Variants in DSCAM observed in about 807,000 individuals in gnomAD.
The protein encoded by DSCAM is cell adhesion molecule DSCAM.
DSCAM carries 47 observed loss-of-function variants against 217.7 expected under a neutral mutation model. That is an observed-to-expected ratio of 0.22 (90% confidence interval 0.17 to 0.28). The LOEUF is 0.28. DSCAM is among the 10% of genes least tolerant of loss of function. The pLI, the probability that DSCAM is intolerant of heterozygous loss-of-function variation, is 1.00. For missense variants in DSCAM, 2,080 were observed against 2,618.3 expected, an observed-to-expected ratio of 0.79 and a Z score of 4.49; for synonymous variants, 1,056 against 1,015.3, an observed-to-expected ratio of 1.04 and a Z score of -0.76.
chr21:40,299,829 T>C (rs1336082826), intron 9 of DSCAM, among the ~76,000 whole-genome samples: 2 of 152,204 alleles, frequency 1.3e-5, no homozygotes, highest in South Asian at 4.1e-4. Flanking sequence ...AAAGTGCAGA[T>C]ATTTTTTAAA....
chr21:40,655,311 G>A (rs192445444), intron 3 of DSCAM, among the ~76,000 whole-genome samples: 2 of 152,318 alleles, frequency 1.3e-5, no homozygotes, highest in Admixed American at 1.3e-4. Flanking sequence ...AGGCTGGGAA[G>A]TCCAACATCA....
chr21:40,208,411 G>A (rs940916946), intron 11 of DSCAM, among the ~76,000 whole-genome samples: 13 of 152,174 alleles, frequency 8.5e-5, no homozygotes, highest in Admixed American at 4.6e-4. Context: ...CTGAGATTGC[G>A]CCATTGCACT....
chr21:40,702,552 T>C (rs779287111), intron 2 of DSCAM, among the ~76,000 whole-genome samples: 2 of 152,222 alleles, frequency 1.3e-5, no homozygotes, highest in Non-Finnish European at 2.9e-5. Flanking sequence ...AATGTTTCTT[T>C]TAAGCAGTGT....
chr21:40,234,197 GGTGC>G (rs1569014555), intron 11 of DSCAM, among the ~76,000 whole-genome samples: 1 of 152,200 alleles, frequency 6.6e-6, no homozygotes, highest in Non-Finnish European at 1.5e-5. Context: ...TGGACAACAT[GGTGC>G]CTGGGTCAAG....
chr21:40,041,145 T>G (rs762550693), intron 32 of DSCAM, among the ~76,000 whole-genome samples: 60 of 152,174 alleles, frequency 3.9e-4, no homozygotes, highest in Non-Finnish European at 7.9e-4. Context: ...CCTTGTCCCA[T>G]AAAACCCAAG....
At chr21:40,437,775 G>A (rs553896626) in intron 3 of DSCAM, among the ~76,000 whole-genome samples, 1 of 152,206 alleles carries the variant, frequency 6.6e-6, no homozygotes, top group African/African-American at 2.4e-5. Context: ...ACTGGAACCT[G>A]GGAGGCAGAG....
intron 20 of DSCAM, among the ~76,000 whole-genome samples, chr21:40,100,872 A>G (rs1601329917): frequency 6.6e-6 from 1 of 152,326 alleles, no homozygotes; most frequent in East Asian, 1.9e-4. Flanking sequence ...TTTAGAGTTA[A>G]GACAGACGTG....
At chr21:40,603,309 G>A (rs1206900099) in intron 3 of DSCAM, among the ~76,000 whole-genome samples, 7 of 152,104 alleles carry the variant, frequency 4.6e-5, no homozygotes, top group Non-Finnish European at 1.0e-4. Context: ...TGTTGTTCAT[G>A]AAGTATTCTA....
intron 11 of DSCAM, among the ~76,000 whole-genome samples, chr21:40,251,264 C>G (rs549403849): frequency 9.3e-4 from 141 of 152,230 alleles, no homozygotes; most frequent in African/African-American, 3.2e-3. Flanking sequence ...AAAATCAACA[C>G]ATATAGATCA....
chr21:40,831,671 T>A (rs989792657), intron 1 of DSCAM, among the ~76,000 whole-genome samples: 1 of 152,196 alleles, frequency 6.6e-6, no homozygotes, highest in Non-Finnish European at 1.5e-5. Flanking sequence ...TGGGGAAAGA[T>A]TCTATCCTGT....
chr21:40,690,036 G>A (rs1433956452), intron 3 of DSCAM, among the ~76,000 whole-genome samples: 1 of 152,166 alleles, frequency 6.6e-6, no homozygotes, highest in Non-Finnish European at 1.5e-5. Flanking sequence ...TGGGTGATGG[G>A]GGAGGGAGGC....
intron 1 of DSCAM, among the ~76,000 whole-genome samples, chr21:40,782,196 A>C (rs1359625284): frequency 2.6e-5 from 4 of 151,782 alleles, no homozygotes; most frequent in African/African-American, 7.2e-5. Flanking sequence ...CAAAAAAAAA[A>C]ACCTTCTCTT....
At chr21:40,338,832 C>T (rs948393726) in intron 7 of DSCAM, among the ~76,000 whole-genome samples, 1 of 151,852 alleles carries the variant, frequency 6.6e-6, no homozygotes, top group East Asian at 1.9e-4. Context: ...GTGGAAGAAC[C>T]GAAGAGAAGG....
intron 3 of DSCAM, among the ~76,000 whole-genome samples, chr21:40,658,800 C>T (rs1439675031): frequency 3.3e-5 from 5 of 152,086 alleles, no homozygotes; most frequent in African/African-American, 1.2e-4. Flanking sequence ...CAGAAAGGCT[C>T]TTATTATGTA....
intron 30 of DSCAM, among the ~76,000 whole-genome samples, chr21:40,047,122 G>A (rs142573649): frequency 5.2e-4 from 79 of 152,040 alleles, no homozygotes; most frequent in African/African-American, 1.6e-3. Context: ...TCTGTACTGC[G>A]CTAGGCAGGC....
intron 20 of DSCAM, among the ~76,000 whole-genome samples, chr21:40,115,542 T>C (rs559936157): frequency 9.9e-5 from 15 of 152,056 alleles, no homozygotes; most frequent in African/African-American, 3.6e-4. Context: ...TGTGCACATG[T>C]ACCCTAAAAC....
chr21:40,286,772 A>G (rs1447065044), intron 10 of DSCAM, among the ~76,000 whole-genome samples: 1 of 140,000 alleles, frequency 7.1e-6, no homozygotes, highest in Non-Finnish European at 1.5e-5. Flanking sequence ...CCACAGGTGG[A>G]TCTGAAGCGT....
At chr21:40,418,084 G>A (rs926763697) in intron 3 of DSCAM, among the ~76,000 whole-genome samples, 1 of 152,148 alleles carries the variant, frequency 6.6e-6, no homozygotes, top group African/African-American at 2.4e-5. Context: ...AGTACGATAG[G>A]GGATTAGAGG....
chr21:40,814,843 C>T (rs543841607), intron 1 of DSCAM, among the ~76,000 whole-genome samples: 3 of 152,030 alleles, frequency 2.0e-5, no homozygotes, highest in East Asian at 3.9e-4. Flanking sequence ...TACTGACCTT[C>T]GATTACCTCA....
Sources: allele counts gnomAD v4.1 joint callset (sites outside exome capture counted in the v4.1 genomes callset), GRCh38; gene constraint gnomAD v4.1.1; transcripts MANE v1.5; gene names NCBI Gene and HGNC (gene_info 2026-07-23, HGNC 2026-07-21).